The following PTPRT variants were observed in gnomAD, a reference collection of about 807,000 sequenced individuals.
PTPRT encodes the protein receptor-type tyrosine-protein phosphatase T.
A neutral mutation model predicts 176.8 loss-of-function variants in PTPRT; 56 were observed. That is an observed-to-expected ratio of 0.32 (90% confidence interval 0.26 to 0.40). PTPRT has a LOEUF of 0.40. PTPRT is among the 10% of genes least tolerant of loss of function. The probability of loss-of-function intolerance (pLI) is 1.00; values close to 1 mark genes in which losing one functional copy is unlikely to be tolerated. For missense variants in PTPRT, 1,540 were observed against 1,908.2 expected (o/e 0.81, Z 3.60); for synonymous variants, 783 against 739.0 (o/e 1.06, Z -0.96).
intron 7 of PTPRT, among the ~76,000 whole-genome samples, chr20:42,657,139 C>G (rs2075139784): frequency 6.6e-6 from 1 of 152,136 alleles, no homozygotes; most frequent in Non-Finnish European, 1.5e-5. Flanking sequence ...CTCCACACTT[C>G]TACTTCCTGC....
At chr20:42,415,835 CAT>C (rs1052317555) in intron 9 of PTPRT, among the ~76,000 whole-genome samples, 17 of 152,080 alleles carry the variant, frequency 1.1e-4, no homozygotes, top group Admixed American at 4.6e-4. Context: ...AGGGGTGAAA[CAT>C]TATTGATCCA....
chr20:42,684,936 T>C (rs531269691), intron 6 of PTPRT, among the ~76,000 whole-genome samples: 1 of 152,350 alleles, frequency 6.6e-6, no homozygotes, highest in South Asian at 2.1e-4. Flanking sequence ...CAGACACCTC[T>C]GACTGCCCTT....
chr20:43,082,247 T>C (rs552954410), intron 1 of PTPRT, among the ~76,000 whole-genome samples: 1 of 152,324 alleles, frequency 6.6e-6, no homozygotes, highest in East Asian at 1.9e-4. Flanking sequence ...TAACCACTGA[T>C]ACTGCAGGTT....
chr20:42,466,486 T>G (rs2071104416), intron 8 of PTPRT, among the ~76,000 whole-genome samples: 1 of 152,192 alleles, frequency 6.6e-6, no homozygotes, highest in South Asian at 2.1e-4. Context: ...GTATACAGCC[T>G]AAGGAGATAA....
the PTPRT span, among the ~76,000 whole-genome samples, chr20:42,044,056 G>C: frequency 6.6e-6 from 1 of 152,230 alleles, no homozygotes; most frequent in African/African-American, 2.4e-5. Context: ...CACTGGGACA[G>C]AGGAGTAAAT....
intron 7 of PTPRT, among the ~76,000 whole-genome samples, chr20:42,593,498 T>C (rs1569001848): frequency 6.6e-6 from 1 of 152,200 alleles, no homozygotes; most frequent in East Asian, 1.9e-4. Context: ...AGCTTACTTA[T>C]TGCCATTTAG....
intron 7 of PTPRT, among the ~76,000 whole-genome samples, chr20:42,556,577 T>C (rs1485273077): frequency 6.6e-6 from 1 of 151,482 alleles, no homozygotes; most frequent in Non-Finnish European, 1.5e-5. Flanking sequence ...CTATCTATAA[T>C]AGATAGATGA....
rs1568731683 is a variant in PTPRT, at chr20:42,276,530, TATATATATATATATATA to T, written c.2176+5942_2176+5958del. ...ATATATATATATATATATATATATA[TATATATATATATATATA>T]TATATATATATAATGTTCTTGAATA... On this transcript the variant is annotated intron_variant, in intron 13 of 30. Transcript: ENST00000373187. Among the ~76,000 whole-genome samples the T allele has an allele frequency of 9.1e-3, 426 of 46,858 alleles. 24 individuals are homozygous for T. Among genetic ancestry groups the T allele is most frequent in the African/African-American group, 0.028 (393 of 14,004 alleles). The allele number at this position is 46,858 out of a possible 152,430, so 30.7% of individuals were successfully genotyped here.
intron 1 of PTPRT, among the ~76,000 whole-genome samples, chr20:43,149,299 T>G (rs554981202): frequency 6.6e-6 from 1 of 152,338 alleles, no homozygotes; most frequent in East Asian, 1.9e-4. Context: ...AAATAAACTT[T>G]GTCATGAAAA....
chr20:42,042,408 G>C, the PTPRT span, among the ~76,000 whole-genome samples: 1 of 152,186 alleles, frequency 6.6e-6, no homozygotes, highest in African/African-American at 2.4e-5. Context: ...CTGTCCCTCA[G>C]ACATTTCTAA....
chr20:42,913,573 T>G (rs1489456792), intron 1 of PTPRT, among the ~76,000 whole-genome samples: 1 of 152,182 alleles, frequency 6.6e-6, no homozygotes, highest in Non-Finnish European at 1.5e-5. Flanking sequence ...GGTCACATTC[T>G]GAGTTACTGG....
At chr20:42,713,413 G>A (rs1406321188) in intron 6 of PTPRT, among the ~76,000 whole-genome samples, 1 of 152,104 alleles carries the variant, frequency 6.6e-6, no homozygotes. Context: ...CGAATCTCAA[G>A]TATCTTCCTC....
At chr20:42,104,085 A>C (rs1986196941) in intron 25 of PTPRT, among the ~76,000 whole-genome samples, 1 of 152,210 alleles carries the variant, frequency 6.6e-6, no homozygotes, top group Admixed American at 6.5e-5. Flanking sequence ...CTTAGCCCCC[A>C]ATGTGATGGT....
At chr20:42,669,905 CT>C (rs1361912854) in intron 7 of PTPRT, among the ~76,000 whole-genome samples, 1 of 152,126 alleles carries the variant, frequency 6.6e-6, no homozygotes, top group East Asian at 1.9e-4. Flanking sequence ...AGAGAAGCAT[CT>C]GCGTAACATG....
At chr20:42,909,528 T>C (rs79768211) in intron 1 of PTPRT, among the ~76,000 whole-genome samples, 13,175 of 152,262 alleles carry the variant, frequency 0.087, 1,137 homozygotes, top group African/African-American at 0.22. Context: ...GGATAGACTG[T>C]GAAGCTTAAG....
intron 7 of PTPRT, among the ~76,000 whole-genome samples, chr20:42,497,960 T>G (rs973336808): frequency 5.1e-4 from 75 of 147,436 alleles, no homozygotes; most frequent in African/African-American, 2.0e-3. Context: ...TAGACCTCAA[T>G]CTAGGGTACA....
At chr20:43,153,380 A>G (rs569661591) in intron 1 of PTPRT, among the ~76,000 whole-genome samples, 10 of 152,314 alleles carry the variant, frequency 6.6e-5, no homozygotes, top group African/African-American at 1.9e-4. Flanking sequence ...AGAAATTTTT[A>G]CTTATTTTCC....
chr20:42,067,448 C>T, the PTPRT span, among the ~76,000 whole-genome samples: 11 of 147,014 alleles, frequency 7.5e-5, no homozygotes, highest in African/African-American at 2.3e-4. Context: ...GCTGCTTACT[C>T]TGCATGCATG....
intron 1 of PTPRT, among the ~76,000 whole-genome samples, chr20:42,924,502 G>A (rs1249292243): frequency 6.6e-6 from 1 of 152,312 alleles, no homozygotes; most frequent in East Asian, 1.9e-4. Flanking sequence ...CAAAATTGGT[G>A]AGAGGAGCCC....
Sources: allele counts gnomAD v4.1 joint callset (sites outside exome capture counted in the v4.1 genomes callset), GRCh38; gene constraint gnomAD v4.1.1; transcripts MANE v1.5; gene names NCBI Gene and HGNC (gene_info 2026-07-23, HGNC 2026-07-21).